The following NAALADL2 variants were observed in gnomAD, a reference collection of about 807,000 sequenced individuals.
NAALADL2 encodes N-acetylated alpha-linked acidic dipeptidase like 2.
NAALADL2 carries 76 observed loss-of-function variants against 87.2 expected under a neutral mutation model. The ratio of observed to expected loss-of-function variants is 0.87; its 90% CI spans 0.72 to 1.05. The LOEUF is 1.05. NAALADL2 is among the 50% of genes least tolerant of loss of function. NAALADL2 has a pLI of 0.00. For missense variants in NAALADL2, 1,089 were observed against 945.8 expected, an observed-to-expected ratio of 1.15 and a Z score of -1.99; for synonymous variants, 354 against 331.0, an observed-to-expected ratio of 1.07 and a Z score of -0.75.
intron 1 of NAALADL2, among the ~76,000 whole-genome samples, chr3:175,035,760 T>C (rs1169637491): frequency 6.6e-6 from 1 of 152,188 alleles, no homozygotes; most frequent in Non-Finnish European, 1.5e-5. Context: ...TTGCTGTTAA[T>C]TCAAAATCAT....
intron 1 of NAALADL2, among the ~76,000 whole-genome samples, chr3:175,055,527 T>G (rs1186087943): frequency 1.3e-5 from 2 of 152,160 alleles, no homozygotes; most frequent in East Asian, 1.9e-4. Flanking sequence ...GGGGCAGACA[T>G]TGTACAGGGG....
At chr3:175,454,184 G>A (rs889881167) in intron 6 of NAALADL2, among the ~76,000 whole-genome samples, 13 of 151,864 alleles carry the variant, frequency 8.6e-5, no homozygotes, top group Admixed American at 6.6e-4. Flanking sequence ...TGATTAATAT[G>A]TACTTAGGCT....
intron 10 of NAALADL2, among the ~76,000 whole-genome samples, chr3:175,604,520 G>A (rs1284613032): frequency 6.6e-6 from 1 of 151,972 alleles, no homozygotes; most frequent in Non-Finnish European, 1.5e-5. Context: ...TAGCCAGGAT[G>A]GTCTTGATCT....
chr3:174,681,789 C>G (rs1353092621), intron 2 of NAALADL2, among the ~76,000 whole-genome samples: 1 of 152,146 alleles, frequency 6.6e-6, no homozygotes, highest in Non-Finnish European at 1.5e-5. Context: ...TGCCTTCCAG[C>G]TTAGATACCA....
chr3:174,571,598 C>G (rs1012638201), intron 2 of NAALADL2, among the ~76,000 whole-genome samples: 2 of 151,972 alleles, frequency 1.3e-5, no homozygotes, highest in Admixed American at 1.3e-4. Context: ...AGGCTGGTCT[C>G]GAGCTCCCGA....
intron 1 of NAALADL2, among the ~76,000 whole-genome samples, chr3:174,987,304 T>C (rs1202345991): frequency 6.6e-6 from 1 of 151,950 alleles, no homozygotes; most frequent in Non-Finnish European, 1.5e-5. Context: ...GCGCGGTGGC[T>C]CACGCCTGTA....
At chr3:175,039,271 A>G (rs555505553) in intron 1 of NAALADL2, among the ~76,000 whole-genome samples, 34 of 152,218 alleles carry the variant, frequency 2.2e-4, no homozygotes, top group African/African-American at 7.2e-4. Context: ...GGTTCAAGCA[A>G]TTCTCCTGCC....
chr3:175,765,267 C>G lies in NAALADL2; in HGVS notation c.2189+9849C>G, dbSNP rs374726326. On this transcript the variant is annotated intron_variant, in intron 13 of 13. Coordinates refer to ENST00000454872, the MANE Select transcript of NAALADL2 (RefSeq NM_207015.3). Reference sequence around the variant, plus strand: ...GATCATTATATACATTCCCTTTTACCCTTTTATGAATAAATACATACACTA... The same window carrying G: ...GATCATTATATACATTCCCTTTTACGCTTTTATGAATAAATACATACACTA... 2.6e-5 allele frequency among the ~76,000 whole-genome samples: 4 copies of G among 151,956 alleles called. No individual in the cohort carries two copies. The South Asian group carries it at 8.3e-4, about 32-fold the overall frequency.
At position 175,803,102 on chromosome 3, in the gene NAALADL2, C is replaced by G. The variant is rs765229430; in HGVS notation, c.2287C>G (p.Gln763Glu). 1 of 1,612,486 alleles carries G rather than the reference C, an allele frequency of 6.2e-7. No individual in the cohort carries two copies. The highest frequency in any genetic ancestry group is 1.1e-5 in the South Asian group (1 of 91,038). ...ACCCCTTGCATCAAATGAGACCCTT[C>G]AAGAAGCCCTGTCAGAGGTGTTGAA... ...CKPLASNETLQEALSEVLNSI... is the reference protein window; with the variant it reads ...CKPLASNETLEEALSEVLNSI... The change falls in exon 14 of 14, where the codon CAA becomes GAA. Residue 763 changes from glutamine to glutamate, a missense_variant. Physicochemically the swap from Gln to Glu is conservative, Grantham distance 29. Coordinates refer to ENST00000454872, the MANE Select transcript of NAALADL2 (RefSeq NM_207015.3).
chr3:175,604,683 C>G (rs906107812), intron 10 of NAALADL2, among the ~76,000 whole-genome samples: 3 of 152,094 alleles, frequency 2.0e-5, no homozygotes, highest in Non-Finnish European at 4.4e-5. Flanking sequence ...AATTTTTCCT[C>G]TTGATTAGGT....
At chr3:174,517,308 T>C (rs1719993804) in intron 1 of NAALADL2, among the ~76,000 whole-genome samples, 1 of 152,080 alleles carries the variant, frequency 6.6e-6, no homozygotes, top group Non-Finnish European at 1.5e-5. Context: ...TAAAGCATTA[T>C]GTATTTTCAT....
intron 1 of NAALADL2, among the ~76,000 whole-genome samples, chr3:174,882,826 TAC>T (rs1413713698): frequency 6.9e-6 from 1 of 145,984 alleles, no homozygotes; most frequent in Non-Finnish European, 1.5e-5. Context: ...TGTGTATATA[TAC>T]ACGTGTGTAT....
chr3:174,614,706 AT>A (rs1445852382), intron 2 of NAALADL2, among the ~76,000 whole-genome samples: 1 of 151,862 alleles, frequency 6.6e-6, no homozygotes, highest in African/African-American at 2.4e-5. Flanking sequence ...TTTTTAAAAA[AT>A]TTTTTCTGTA....
intron 2 of NAALADL2, among the ~76,000 whole-genome samples, chr3:174,652,901 A>ATTG (rs1724517525): frequency 6.6e-6 from 1 of 152,190 alleles, no homozygotes. Context: ...AAAATAGGCA[A>ATTG]AAGACTTAAT....
intron 4 of NAALADL2, among the ~76,000 whole-genome samples, chr3:175,262,575 A>AGTGTGTGTGTGTGTGT (rs71164625): frequency 5.6e-4 from 82 of 147,120 alleles, no homozygotes; most frequent in Admixed American, 1.6e-3. Context: ...ATGTTGTGTG[A>AGTGTGTGTGTGTGTGT]GTGTGTGTGT....
chr3:174,782,987 T>A (rs1043828946), intron 3 of NAALADL2, among the ~76,000 whole-genome samples: 2 of 152,176 alleles, frequency 1.3e-5, no homozygotes, highest in African/African-American at 4.8e-5. Context: ...TCTCTCATAT[T>A]TAAGATGAAG....
chr3:174,642,640 TAAG>T (rs978518482), intron 2 of NAALADL2, among the ~76,000 whole-genome samples: 10 of 151,638 alleles, frequency 6.6e-5, no homozygotes, highest in Non-Finnish European at 1.3e-4. Context: ...CTTGGGCTAA[TAAG>T]AACCATTGTC....
At chr3:174,648,888 G>C (rs1250686394) in intron 2 of NAALADL2, among the ~76,000 whole-genome samples, 3 of 152,112 alleles carry the variant, frequency 2.0e-5, no homozygotes, top group Admixed American at 6.5e-5. Flanking sequence ...TGTTGAGAGA[G>C]AGAGGTTGGT....
intron 3 of NAALADL2, among the ~76,000 whole-genome samples, chr3:174,747,873 GCAGCACTATTCACAAC>G (rs973507720): frequency 6.6e-6 from 1 of 152,098 alleles, no homozygotes; most frequent in Non-Finnish European, 1.5e-5. Flanking sequence ...CATGTTCATT[GCAGCACTATTCACAAC>G]AGCAAAGACA....
Sources: allele counts gnomAD v4.1 joint callset (sites outside exome capture counted in the v4.1 genomes callset), GRCh38; gene constraint gnomAD v4.1.1; transcripts MANE v1.5; gene names NCBI Gene and HGNC (gene_info 2026-07-23, HGNC 2026-07-21).